ROBO2: variants seen among roughly 807,000 people sequenced by gnomAD.
ROBO2 encodes the protein roundabout homolog 2.
ROBO2 carries 53 observed loss-of-function variants against 160.8 expected under a neutral mutation model. The observed-to-expected ratio is 0.33, with a 90% CI of 0.26 to 0.41. The LOEUF (loss-of-function observed/expected upper bound fraction) is 0.41, where lower values mean the gene tolerates loss of function less well. ROBO2 is among the 10% of genes least tolerant of loss of function. The pLI is 1.00. For missense variants in ROBO2, 1,577 were observed against 1,722.4 expected (o/e 0.92, Z 1.49); for synonymous variants, 664 against 611.7 (o/e 1.09, Z -1.26).
chr3:76,433,414 C>T (rs1577152536), intron 2 of ROBO2, among the ~76,000 whole-genome samples: 1 of 152,124 alleles, frequency 6.6e-6, no homozygotes, highest in East Asian at 1.9e-4. Context: ...CTTAAATTTA[C>T]ATTTAACTGA....
At chr3:77,241,155 C>A (rs1374882403) in intron 2 of ROBO2, among the ~76,000 whole-genome samples, 1 of 152,042 alleles carries the variant, frequency 6.6e-6, no homozygotes, top group South Asian at 2.1e-4. Context: ...ATCATTTGTG[C>A]GTCCAGTGAC....
chr3:77,569,192 G>T (rs189551994), intron 13 of ROBO2, among the ~76,000 whole-genome samples: 1 of 151,916 alleles, frequency 6.6e-6, no homozygotes, highest in Non-Finnish European at 1.5e-5. Context: ...CAGTAATATT[G>T]GTAACTCTCC....
At chr3:77,373,462 T>A (rs2072115246) in intron 2 of ROBO2, among the ~76,000 whole-genome samples, 1 of 152,046 alleles carries the variant, frequency 6.6e-6, no homozygotes, top group South Asian at 2.1e-4. Flanking sequence ...TAGTTTTACT[T>A]CTATAATACA....
intron 2 of ROBO2, among the ~76,000 whole-genome samples, chr3:76,233,186 C>G (rs2107479484): frequency 6.6e-6 from 1 of 151,740 alleles, no homozygotes; most frequent in South Asian, 2.1e-4. Flanking sequence ...CTCTTGTCTC[C>G]CCGGATAGAA....
In ROBO2 at chr3:77,208,425, A is replaced by G. The variant is rs552167288; in HGVS notation, c.388+110085A>G. On this transcript the variant is annotated intron_variant, in intron 2 of 25. Coordinates refer to ENST00000461745, the Ensembl canonical transcript of ROBO2. Reference sequence around the variant, plus strand: ...TTTGTTTTAAAGGACATGGGGATTGAGTTGCAACCAATAGATACAGTTACA... The same window carrying G: ...TTTGTTTTAAAGGACATGGGGATTGGGTTGCAACCAATAGATACAGTTACA... 2.2e-3 allele frequency among the ~76,000 whole-genome samples: 331 copies of G among 152,288 alleles called. 3 individuals carry two copies. Among genetic ancestry groups the G allele is most frequent in the African/African-American group, 7.7e-3 (318 of 41,558 alleles).
At chr3:76,407,392 G>C (rs1387792579) in intron 2 of ROBO2, among the ~76,000 whole-genome samples, 1 of 151,908 alleles carries the variant, frequency 6.6e-6, no homozygotes, top group Non-Finnish European at 1.5e-5. Flanking sequence ...ATAGGAATGG[G>C]AACTGTCACT....
chr3:76,229,860 A>C (rs1404690538), intron 2 of ROBO2, among the ~76,000 whole-genome samples: 1 of 152,200 alleles, frequency 6.6e-6, no homozygotes, highest in African/African-American at 2.4e-5. Flanking sequence ...TTAGCTCATG[A>C]AAATGAATGT....
chr3:76,816,663 A>G (rs1250026147), intron 2 of ROBO2, among the ~76,000 whole-genome samples: 6 of 151,942 alleles, frequency 3.9e-5, no homozygotes, highest in Admixed American at 3.3e-4. Flanking sequence ...ACAGTGTGGC[A>G]ATTCCTCAAG....
intron 2 of ROBO2, chr3:76,434,251 C>A: frequency 1.0e-6 from 1 of 1,002,006 alleles, no homozygotes; most frequent in Non-Finnish European, 1.6e-6. Flanking sequence ...TTGGAGCGAG[C>A]GCTGTTGGTT....
At chr3:76,453,940 A>T (rs943260309) in intron 2 of ROBO2, among the ~76,000 whole-genome samples, 8 of 152,100 alleles carry the variant, frequency 5.3e-5, no homozygotes, top group African/African-American at 1.9e-4. Context: ...ATTCATGTGG[A>T]GTTGCAGAGC....
intron 2 of ROBO2, among the ~76,000 whole-genome samples, chr3:76,250,907 TAAGCAACA>T (rs1380448400): frequency 3.9e-5 from 6 of 151,964 alleles, no homozygotes; most frequent in African/African-American, 1.4e-4. Context: ...GGGTAAAAAG[TAAGCAACA>T]ACTTTTATTC....
At chr3:75,914,937 G>C (rs919768092) in intron 1 of ROBO2, among the ~76,000 whole-genome samples, 5 of 152,176 alleles carry the variant, frequency 3.3e-5, no homozygotes, top group Non-Finnish European at 7.3e-5. Flanking sequence ...TAGCAGGCCA[G>C]CTGTTCCTTT....
At chr3:76,521,415 A>G (rs2081611750) in intron 2 of ROBO2, among the ~76,000 whole-genome samples, 2 of 152,146 alleles carry the variant, frequency 1.3e-5, no homozygotes, top group Admixed American at 1.3e-4. Context: ...CATTCCAGGT[A>G]GTCATTGTTG....
chr3:76,261,190 GTGTGTGTGTGTGTATA>G (rs1488169267), intron 2 of ROBO2, among the ~76,000 whole-genome samples: 5 of 127,042 alleles, frequency 3.9e-5, no homozygotes, highest in African/African-American at 8.1e-5. Flanking sequence ...GTGTGTGTGT[GTGTGTGTGTGTGTATA>G]TATATATATA....
intron 2 of ROBO2, among the ~76,000 whole-genome samples, chr3:77,453,989 C>T (rs1211442928): frequency 6.6e-6 from 1 of 152,056 alleles, no homozygotes; most frequent in Non-Finnish European, 1.5e-5. Context: ...GTTCAATCAG[C>T]ACATCTATTT....
chr3:76,686,341 G>A (rs1666181148), intron 2 of ROBO2, among the ~76,000 whole-genome samples: 1 of 152,038 alleles, frequency 6.6e-6, no homozygotes, highest in Non-Finnish European at 1.5e-5. Context: ...TGTCCATAAA[G>A]AAAAGTAATC....
At chr3:76,499,420 A>G (rs1298348277) in intron 2 of ROBO2, among the ~76,000 whole-genome samples, 1 of 152,120 alleles carries the variant, frequency 6.6e-6, no homozygotes, top group Non-Finnish European at 1.5e-5. Context: ...CTCTATCCCA[A>G]TGTCCAACCT....
chr3:76,472,062 AATGT>A (rs1476510997), intron 2 of ROBO2, among the ~76,000 whole-genome samples: 30 of 125,708 alleles, frequency 2.4e-4, no homozygotes, highest in Non-Finnish European at 3.9e-4. Flanking sequence ...GGTCTGATAA[AATGT>A]GTGTGTGTGT....
chr3:76,924,219 C>T (rs893856168), intron 2 of ROBO2, among the ~76,000 whole-genome samples: 1 of 152,056 alleles, frequency 6.6e-6, no homozygotes, highest in African/African-American at 2.4e-5. Context: ...AGGACCTGAA[C>T]GTTTCTTCAA....
Sources: allele counts gnomAD v4.1 joint callset (sites outside exome capture counted in the v4.1 genomes callset), GRCh38; gene constraint gnomAD v4.1.1; transcripts MANE v1.5; gene names NCBI Gene and HGNC (gene_info 2026-07-23, HGNC 2026-07-21).